The following DAB1 variants were observed in gnomAD, a reference collection of about 807,000 sequenced individuals.
DAB1 encodes disabled homolog 1.
A neutral mutation model predicts 64.6 loss-of-function variants in DAB1; 15 were observed. The ratio of observed to expected loss-of-function variants is 0.23; its 90% CI spans 0.16 to 0.36. The LOEUF is 0.36. Among genes scored for constraint, DAB1 ranks in the 10% least tolerant of loss-of-function variants. The pLI is 1.00. For missense variants in DAB1, 596 were observed against 706.7 expected (o/e 0.84, Z 1.78); for synonymous variants, 235 against 251.9 (o/e 0.93, Z 0.64).
chr1:57,236,841 A>T (rs1429339288), intron 2 of DAB1, among the ~76,000 whole-genome samples: 1 of 152,158 alleles, frequency 6.6e-6, no homozygotes, highest in East Asian at 1.9e-4. Context: ...CTTACGAGAG[A>T]ATGCGGAGGA....
At chr1:58,456,545 C>G (rs1228421854) in intron 3 of DAB1, among the ~76,000 whole-genome samples, 8 of 152,110 alleles carry the variant, frequency 5.3e-5, no homozygotes, top group African/African-American at 1.9e-4. Context: ...CTAGGGAAGG[C>G]TGAGTGAGGA....
At position 57,265,969 on chromosome 1, in the gene DAB1, T is replaced by C. The variant is rs367786071; in HGVS notation, c.67+24995A>G. On this transcript the variant is annotated intron_variant, in intron 2 of 14. Coordinates refer to ENST00000371236, the MANE Select transcript of DAB1 (RefSeq NM_001365792.1). ...CTCTGCTTGATGCCAGAATTGCTGC[T>C]GCAGTAAAATTCACTTACCCATGGC... is the stretch of plus-strand genomic sequence containing the variant. Among the ~76,000 whole-genome samples, 86 of 152,306 alleles carry C rather than the reference T, an allele frequency of 5.6e-4. 1 individual carries two copies. The South Asian group carries it at 0.016, about 29-fold the overall frequency.
chr1:58,082,725 T>C (rs925737699), intron 5 of DAB1, among the ~76,000 whole-genome samples: 2 of 151,666 alleles, frequency 1.3e-5, no homozygotes, highest in East Asian at 3.9e-4. Context: ...GGTAAATGAC[T>C]GGAGACAGAA....
At chr1:57,718,671 T>C (rs1647114074) in intron 6 of DAB1, among the ~76,000 whole-genome samples, 2 of 152,206 alleles carry the variant, frequency 1.3e-5, no homozygotes, top group African/African-American at 2.4e-5. Flanking sequence ...AGGCTTACAA[T>C]GCAATCAAGT....
intron 9 of DAB1, among the ~76,000 whole-genome samples, chr1:57,045,454 T>C (rs1170122934): frequency 6.6e-6 from 1 of 152,080 alleles, no homozygotes; most frequent in Non-Finnish European, 1.5e-5. Context: ...TCCTAGCACT[T>C]TGGGAGGCCA....
intron 5 of DAB1, among the ~76,000 whole-genome samples, chr1:58,118,581 T>C (rs1379207803): frequency 4.4e-5 from 4 of 90,892 alleles, no homozygotes; most frequent in African/African-American, 2.3e-4. Flanking sequence ...TATATATACA[T>C]ATATATATAA....
chr1:57,707,093 A>C (rs1346885945), intron 6 of DAB1, among the ~76,000 whole-genome samples: 1 of 151,876 alleles, frequency 6.6e-6, no homozygotes, highest in Non-Finnish European at 1.5e-5. Flanking sequence ...ACAAACAAAC[A>C]AAAAAACCCC....
At position 57,015,382 on chromosome 1, in the gene DAB1, G is replaced by C. The variant is rs763852672; in HGVS notation, c.945C>G (p.Pro315=). ...AVLPSFWGQQ[P]LVQQQMVMGA... is the part of the protein sequence containing the mutation. Reference sequence around the variant, plus strand: ...CCATGACCATCTGCTGTTGGACGAGGGGCTGCTGACCCCAGAAGGACGGGA... The same window carrying C: ...CCATGACCATCTGCTGTTGGACGAGCGGCTGCTGACCCCAGAAGGACGGGA... The change falls in exon 12 of 15, where the codon CCC becomes CCG. Residue 315 remains proline, a synonymous_variant. Transcript: ENST00000371236. The C allele has an allele frequency of 1.4e-5, 22 of 1,613,836 alleles. 1 individual carries two copies. The Admixed American group carries it at 3.7e-4, about 27-fold the overall frequency.
intron 1 of DAB1, among the ~76,000 whole-genome samples, chr1:57,342,943 T>C (rs933958764): frequency 6.6e-6 from 1 of 152,166 alleles, no homozygotes; most frequent in Non-Finnish European, 1.5e-5. Context: ...GCAAGGTTTA[T>C]TGCAAAGAGA....
At chr1:57,056,333 T>TAAAAAAA (rs903018252) in intron 9 of DAB1, among the ~76,000 whole-genome samples, 1 of 117,290 alleles carries the variant, frequency 8.5e-6, no homozygotes, top group Admixed American at 8.8e-5. Flanking sequence ...TCCTCATCTT[T>TAAAAAAA]AAAAAAAAAA....
At chr1:57,306,541 A>T (rs1570232628) in intron 1 of DAB1, among the ~76,000 whole-genome samples, 1 of 127,500 alleles carries the variant, frequency 7.8e-6, no homozygotes, top group African/African-American at 3.0e-5. Context: ...TTTTTTACAC[A>T]CATCTTATAT....
intron 6 of DAB1, among the ~76,000 whole-genome samples, chr1:57,706,866 A>G (rs984756627): frequency 6.6e-6 from 1 of 152,050 alleles, no homozygotes; most frequent in Non-Finnish European, 1.5e-5. Flanking sequence ...TGAGGTCAGG[A>G]GTTCGAGACC....
intron 3 of DAB1, among the ~76,000 whole-genome samples, chr1:58,474,670 A>G (rs1645401646): frequency 6.6e-6 from 1 of 152,224 alleles, no homozygotes; most frequent in Admixed American, 6.5e-5. Flanking sequence ...GGAAAGTTTC[A>G]GGGACTATGG....
intron 3 of DAB1, among the ~76,000 whole-genome samples, chr1:58,385,710 G>A (rs748187341): frequency 1.5e-4 from 23 of 152,236 alleles, no homozygotes; most frequent in Admixed American, 2.6e-4. Context: ...AAAGCAGGAG[G>A]AAGGCTGCTG....
In DAB1 at chr1:57,282,331, C is replaced by A. The variant is rs905540742; in HGVS notation, c.67+8633G>T. On this transcript the variant is annotated intron_variant, in intron 2 of 14. Coordinates refer to ENST00000371236, the MANE Select transcript of DAB1 (RefSeq NM_001365792.1). Reference sequence around the variant, plus strand: ...AAGCCACAGAGGTGAGACCTGGGACCTGAAGCTTAGTGTGGCTTAGGGTGG... The same window carrying A: ...AAGCCACAGAGGTGAGACCTGGGACATGAAGCTTAGTGTGGCTTAGGGTGG... Among the ~76,000 whole-genome samples the A allele has an allele frequency of 2.6e-5, 4 of 151,828 alleles. No homozygotes were observed. The East Asian group carries it at 7.7e-4, about 29-fold the overall frequency.
chr1:58,021,998 T>G (rs932154951), intron 5 of DAB1, among the ~76,000 whole-genome samples: 2 of 152,128 alleles, frequency 1.3e-5, no homozygotes, highest in Admixed American at 6.5e-5. Flanking sequence ...AAGGATGGCT[T>G]CTAAGGAGTT....
At chr1:57,522,197 T>G (rs1383273475) in intron 7 of DAB1, among the ~76,000 whole-genome samples, 2 of 151,830 alleles carry the variant, frequency 1.3e-5, no homozygotes, top group Non-Finnish European at 2.9e-5. Flanking sequence ...AAGGATGAGG[T>G]CTCAGGCTGA....
intron 9 of DAB1, among the ~76,000 whole-genome samples, chr1:57,054,355 T>C (rs1186543565): frequency 6.6e-6 from 1 of 152,080 alleles, no homozygotes; most frequent in Non-Finnish European, 1.5e-5. Context: ...TCTGCTTGCA[T>C]TCCCACTGTG....
At chr1:58,153,222 G>C (rs1410291810) in intron 4 of DAB1, among the ~76,000 whole-genome samples, 1 of 152,172 alleles carries the variant, frequency 6.6e-6, no homozygotes, top group Admixed American at 6.5e-5. Context: ...TGTCATACAG[G>C]ACAACTTTAG....
Sources: allele counts gnomAD v4.1 joint callset (sites outside exome capture counted in the v4.1 genomes callset), GRCh38; gene constraint gnomAD v4.1.1; transcripts MANE v1.5; gene names NCBI Gene and HGNC (gene_info 2026-07-23, HGNC 2026-07-21).